Variants in NIPBL observed in about 807,000 individuals in gnomAD.
NIPBL encodes NIPBL cohesin loading factor, also known as nipped-B-like protein.
In NIPBL, 19 loss-of-function variants were observed where a neutral mutation model predicts 321.8. The ratio of observed to expected loss-of-function variants is 0.06; its 90% CI spans 0.04 to 0.09. NIPBL has a LOEUF of 0.09. Ranked by LOEUF, NIPBL falls within the 10% of genes least tolerant of loss-of-function variation. The pLI, the probability that NIPBL is intolerant of heterozygous loss-of-function variation, is 1.00. For synonymous variants in NIPBL, 1,106 were observed against 1,114.1 expected (o/e 0.99, Z 0.14); for missense variants, 2,210 against 3,327.0 (o/e 0.66, Z 8.26).
chr5:36,876,823 T>TGC lies in NIPBL; in HGVS notation c.-435_-434insGC. ...AGAGAGAGACACACACAGGGCTCCT[T>TGC]CCCCCCGCCCTCCCCCCCCTCCCTC... On this transcript the variant is annotated 5_prime_UTR_variant, in exon 1 of 47. Coordinates refer to ENST00000282516, the MANE Select transcript of NIPBL (RefSeq NM_133433.4). The TGC allele has an allele frequency of 2.8e-6, 1 of 352,492 alleles. No homozygotes were observed. The highest frequency in any genetic ancestry group is 4.9e-6 in the Non-Finnish European group (1 of 204,032). The allele number at this position is 352,492 out of a possible 1,614,324, so 21.8% of individuals were successfully genotyped here.
At chr5:37,025,358 G>A (rs1750139339) in intron 30 of NIPBL, among the ~76,000 whole-genome samples, 1 of 152,106 alleles carries the variant, frequency 6.6e-6, no homozygotes, top group Non-Finnish European at 1.5e-5. Context: ...AATGATTTTA[G>A]TTTTCTAAAT....
At chr5:36,901,015 C>T (rs966838644) in intron 1 of NIPBL, among the ~76,000 whole-genome samples, 2 of 151,982 alleles carry the variant, frequency 1.3e-5, no homozygotes, top group Non-Finnish European at 2.9e-5. Flanking sequence ...AATTGCGAGT[C>T]GCAGGGGGTT....
chr5:36,985,833 G>A lies in NIPBL; in HGVS notation c.2653G>A (p.Glu885Lys). 1 of 1,613,782 alleles carries A rather than the reference G, an allele frequency of 6.2e-7. No individual in the cohort carries two copies. Among genetic ancestry groups the A allele is most frequent in the Non-Finnish European group, 8.5e-7 (1 of 1,179,916 alleles). The change falls in exon 10 of 47, where the codon GAA becomes AAA. Residue 885 changes from glutamate to lysine, a missense_variant. By Grantham distance (56) the Glu-to-Lys change is moderately conservative. Coordinates refer to ENST00000282516, the MANE Select transcript of NIPBL (RefSeq NM_133433.4). ...GDSRERPSSGEQKSRPDSPRV... is the reference protein window; with the variant it reads ...GDSRERPSSGKQKSRPDSPRV... ...CTCAAGGGAAAGACCATCTTCTGGG[G>A]AACAAAAATCAAGACCTGACAGTCC...
chr5:36,921,151 T>A (rs1748909594), intron 1 of NIPBL, among the ~76,000 whole-genome samples: 1 of 151,962 alleles, frequency 6.6e-6, no homozygotes, highest in African/African-American at 2.4e-5. Flanking sequence ...TACACCACAT[T>A]TTTACCCCTG....
intron 1 of NIPBL, among the ~76,000 whole-genome samples, chr5:36,949,604 G>A (rs892531148): frequency 1.3e-5 from 2 of 151,810 alleles, no homozygotes; most frequent in African/African-American, 2.4e-5. Context: ...ATATCTACAT[G>A]TGTATGTTAA....
chr5:37,043,083 A>G (rs1752612909), intron 34 of NIPBL, among the ~76,000 whole-genome samples: 1 of 152,078 alleles, frequency 6.6e-6, no homozygotes. Context: ...CAAAGAAATA[A>G]CACATTTAAA....
rs781028144 is a variant in NIPBL at position 37,014,787 on chromosome 5, C to G, written c.4643+22C>G. The G allele has an allele frequency of 2.8e-6, 4 of 1,419,692 alleles. No individual in the cohort carries two copies. In the South Asian group the frequency reaches 4.6e-5, roughly 16 times the overall value. The allele number at this position is 1,419,692 out of a possible 1,614,324, so 87.9% of individuals were successfully genotyped here. On this transcript the variant is annotated intron_variant, in intron 22 of 46. Coordinates refer to ENST00000282516, the MANE Select transcript of NIPBL (RefSeq NM_133433.4). Reference sequence around the variant, plus strand: ...AAAAGTGAGTAAAATTAATATAAATCTGGTTTTTCTTTTCCACAGTATAGA... The same window carrying G: ...AAAAGTGAGTAAAATTAATATAAATGTGGTTTTTCTTTTCCACAGTATAGA...
intron 42 of NIPBL, among the ~76,000 whole-genome samples, chr5:37,055,775 G>A (rs1223261991): frequency 6.6e-6 from 1 of 152,104 alleles, no homozygotes; most frequent in African/African-American, 2.4e-5. Flanking sequence ...CAGCACCCAA[G>A]GCAGATGATA....
rs886042552 is a variant in NIPBL, at chr5:37,063,822, T to C, written c.7893T>C (p.Asp2631=). 28 of 1,613,564 alleles carry C rather than the reference T, an allele frequency of 1.7e-5. No individual in the cohort carries two copies. The highest frequency in any genetic ancestry group is 2.4e-5 in the Non-Finnish European group (28 of 1,179,830). The change falls in exon 46 of 47, where the codon GAT becomes GAC. Residue 2631 remains aspartate, a synonymous_variant. Transcript: ENST00000282516. ...FKLLMEHLDP[D]EEEEEGEVSA... Reference sequence around the variant, plus strand: ...TTCTCATGGAACATCTGGACCCTGATGAAGAAGAAGAAGAAGGGGAGGTTT... The same window carrying C: ...TTCTCATGGAACATCTGGACCCTGACGAAGAAGAAGAAGAAGGGGAGGTTT...
chr5:36,880,515 G>A (rs1222016216), intron 1 of NIPBL, among the ~76,000 whole-genome samples: 1 of 151,972 alleles, frequency 6.6e-6, no homozygotes, highest in Non-Finnish European at 1.5e-5. Flanking sequence ...ATTCCTTTTA[G>A]AGAAATGTAA....
At chr5:37,021,205 C>T (rs1001040820) in intron 27 of NIPBL, among the ~76,000 whole-genome samples, 12 of 151,112 alleles carry the variant, frequency 7.9e-5, no homozygotes, top group Admixed American at 4.6e-4. Flanking sequence ...AGGCTGAGGC[C>T]GGAGAATTGC....
intron 32 of NIPBL, among the ~76,000 whole-genome samples, chr5:37,029,179 A>T (rs1175076429): frequency 1.3e-5 from 2 of 152,188 alleles, no homozygotes; most frequent in South Asian, 2.1e-4. Context: ...ATATACAGTC[A>T]TGTAACGTCC....
intron 1 of NIPBL, among the ~76,000 whole-genome samples, chr5:36,877,696 T>C (rs1012266336): frequency 9.2e-5 from 14 of 152,228 alleles, no homozygotes; most frequent in African/African-American, 3.4e-4. Context: ...GAGGAAGTAG[T>C]TTCAGTTAGT....
In NIPBL at chr5:36,940,457, ATCT is replaced by A. The variant is rs141223401; in HGVS notation, c.-79-13156_-79-13154del. ...TCCTTCACTATGTACCAGTTACATA[ATCT>A]TCTTTCCTTAGCTAGGCTCTGTCCT... On this transcript the variant is annotated intron_variant, in intron 1 of 46. Coordinates refer to ENST00000282516, the MANE Select transcript of NIPBL (RefSeq NM_133433.4). Among the ~76,000 whole-genome samples, 220 of 152,224 alleles carry A rather than the reference ATCT, an allele frequency of 1.4e-3. 1 individual carries two copies. Among genetic ancestry groups the A allele is most frequent in the South Asian group, 4.1e-3 (20 of 4,824 alleles).
intron 38 of NIPBL, 130 bp downstream of exon 38, chr5:37,046,329 G>A (rs1162063690): frequency 3.1e-6 from 2 of 644,118 alleles, no homozygotes; most frequent in East Asian, 2.9e-5. Flanking sequence ...TGTATAGAAT[G>A]TAGGTCTGAG....
chr5:36,949,946 T>G (rs1260970368), intron 1 of NIPBL, among the ~76,000 whole-genome samples: 1 of 152,032 alleles, frequency 6.6e-6, no homozygotes, highest in Non-Finnish European at 1.5e-5. Flanking sequence ...ACTAAATTGA[T>G]AATTTACTAT....
chr5:36,918,858 C>G (rs989311980), intron 1 of NIPBL, among the ~76,000 whole-genome samples: 1 of 152,074 alleles, frequency 6.6e-6, no homozygotes, highest in African/African-American at 2.4e-5. Context: ...ACCAGTCTTG[C>G]ATCCCAAGGA....
intron 4 of NIPBL, among the ~76,000 whole-genome samples, chr5:36,959,447 G>A (rs563217505): frequency 1.1e-4 from 17 of 152,234 alleles, no homozygotes; most frequent in African/African-American, 3.4e-4. Flanking sequence ...GCAAGTTGAA[G>A]GTAGGTATGC....
intron 1 of NIPBL, among the ~76,000 whole-genome samples, chr5:36,952,686 T>C (rs1047805912): frequency 6.6e-6 from 1 of 152,214 alleles, no homozygotes; most frequent in Admixed American, 6.5e-5. Flanking sequence ...ATACTGAACA[T>C]TAAAGTCAAT....
Sources: allele counts gnomAD v4.1 joint callset (sites outside exome capture counted in the v4.1 genomes callset), GRCh38; gene constraint gnomAD v4.1.1; transcripts MANE v1.5; gene names NCBI Gene and HGNC (gene_info 2026-07-23, HGNC 2026-07-21).